Variants in BICRA observed in about 807,000 individuals in gnomAD.
BICRA encodes BRD4-interacting chromatin-remodeling complex-associated protein.
In BICRA, 31 loss-of-function variants were observed where a neutral mutation model predicts 96.9. That is an observed-to-expected ratio of 0.32 (90% confidence interval 0.24 to 0.43). The LOEUF (loss-of-function observed/expected upper bound fraction) is 0.43, where lower values mean the gene tolerates loss of function less well. Ranked by LOEUF, BICRA falls within the 20% of genes least tolerant of loss-of-function variation. The pLI, the probability that BICRA is intolerant of heterozygous loss-of-function variation, is 1.00. For missense variants in BICRA, 2,283 were observed against 2,190.3 expected (o/e 1.04, Z -0.84); for synonymous variants, 1,350 against 1,071.8 (o/e 1.26, Z -5.07).
At chr19:47,673,541 C>T (rs754994318) in intron 2 of BICRA, 29 bp from the exon 3 acceptor site, 21 of 1,597,584 alleles carry the variant, frequency 1.3e-5, no homozygotes, top group Non-Finnish European at 1.7e-5. Context: ...TTGTCTCCCT[C>T]GCCCTCTTCC....
chr19:47,622,083 C>T (rs1394972529), intron 1 of BICRA, among the ~76,000 whole-genome samples: 1 of 152,004 alleles, frequency 6.6e-6, no homozygotes. Flanking sequence ...TCTCCTGCCT[C>T]AGCCTCCCGA....
intron 1 of BICRA, among the ~76,000 whole-genome samples, chr19:47,621,681 G>C (rs1323486865): frequency 6.6e-6 from 1 of 151,938 alleles, no homozygotes; most frequent in African/African-American, 2.4e-5. Context: ...ACCATGTCAG[G>C]CTGGTTTTGA....
intron 6 of BICRA, among the ~76,000 whole-genome samples, chr19:47,681,696 G>A (rs991893639): frequency 1.1e-4 from 17 of 152,122 alleles, no homozygotes; most frequent in Admixed American, 5.2e-4. Flanking sequence ...ACAAGGAGAG[G>A]AATCTCAGAG....
intron 1 of BICRA, among the ~76,000 whole-genome samples, chr19:47,652,054 C>T (rs1233388784): frequency 2.6e-5 from 4 of 152,204 alleles, no homozygotes; most frequent in Admixed American, 2.0e-4. Flanking sequence ...GGGCAGATGT[C>T]GGCCTGCTGT....
chr19:47,684,961 T>G lies in BICRA; in HGVS notation c.2283+2809T>G, dbSNP rs1973122119. Among the ~76,000 whole-genome samples, 3 of 152,254 alleles carry G rather than the reference T, an allele frequency of 2.0e-5. No homozygotes were observed. In the South Asian group the frequency reaches 6.2e-4, roughly 32 times the overall value. On this transcript the variant is annotated intron_variant, in intron 7 of 14. Transcript: ENST00000594866. ...CACTTACTGTTAGCAGTTGCAGTAA[T>G]GATGCTGTAGCTGAACTTATTTTTT...
chr19:47,608,755 C>T (rs1971846192), upstream of BICRA, among the ~76,000 whole-genome samples: 2 of 151,516 alleles, frequency 1.3e-5, no homozygotes, highest in Admixed American at 6.6e-5. Context: ...TCCCGCCGCT[C>T]GGCCTGGCGG....
In BICRA at chr19:47,682,084, G is replaced by T; in HGVS notation, c.2215G>T (p.Val739Phe). 1 of 1,116,082 alleles carries T rather than the reference G, an allele frequency of 9.0e-7. No individual in the cohort carries two copies. 69.1% of individuals were successfully genotyped at this position (1,116,082 alleles called of 1,614,324 possible). Residue 739 changes from valine (V) to phenylalanine (F), a missense_variant, in exon 7 of 15, where the codon GTC (valine) becomes TTC (phenylalanine). By Grantham distance (50) the Val-to-Phe change is conservative. Transcript: ENST00000594866. ...PAQDPAPATP[V>F]AKGAGLGPQA... ...CCAAGACCCAGCCCCAGCCACCCCC[G>T]TCGCCAAAGGAGCTGGCCTCGGCCC... is the stretch of plus-strand genomic sequence containing the variant.
At chr19:47,667,600 C>T (rs954162977) in intron 1 of BICRA, among the ~76,000 whole-genome samples, 1 of 152,116 alleles carries the variant, frequency 6.6e-6, no homozygotes, top group Non-Finnish European at 1.5e-5. Flanking sequence ...ACCCGCATTC[C>T]AGAGGAAAAG....
In BICRA at chr19:47,620,230, C is replaced by T. The variant is rs1844821091; in HGVS notation, c.-108+11062C>T. On this transcript the variant is annotated intron_variant, in intron 1 of 14. Coordinates refer to ENST00000594866, the MANE Select transcript of BICRA (RefSeq NM_001394372.1). ...AAGATGAGAAGGGAGGGCTGTGTTT[C>T]CTGTGTTCTCAGCTCCTGGTGTGCA... Among the ~76,000 whole-genome samples, 4 of 152,074 alleles carry T rather than the reference C, an allele frequency of 2.6e-5. No individual in the cohort carries two copies. In the South Asian group the frequency reaches 8.3e-4, roughly 31 times the overall value.
chr19:47,618,806 G>T (rs1972020042), intron 1 of BICRA, among the ~76,000 whole-genome samples: 1 of 152,220 alleles, frequency 6.6e-6, no homozygotes, highest in Middle Eastern at 3.2e-3. Flanking sequence ...AGCGCCTGGT[G>T]GCCTCTGCTG....
chr19:47,632,491 G>A (rs1225836272), intron 1 of BICRA, among the ~76,000 whole-genome samples: 2 of 152,216 alleles, frequency 1.3e-5, no homozygotes, highest in East Asian at 3.8e-4. Flanking sequence ...GGCTGAAGGC[G>A]GCCTGGCACA....
Position 47,699,090 on chromosome 19 carries a change from G to T in BICRA, c.3492+31G>T, listed in dbSNP as rs772592676. Reference sequence around the variant, plus strand: ...GTCAGAGTCGCCTTCCTCGCCTCTGGGCTCCTCCTCGCTGGGACACTGCCC... The same window carrying T: ...GTCAGAGTCGCCTTCCTCGCCTCTGTGCTCCTCCTCGCTGGGACACTGCCC... On this transcript the variant is annotated intron_variant, in intron 13 of 14. Transcript: ENST00000594866. The surrounding 1 kb of genome is among the most constrained non-coding windows in gnomAD (Gnocchi z 5.0). 3.6e-6 allele frequency: 5 copies of T among 1,394,052 alleles called. No individual in the cohort carries two copies. The South Asian group carries it at 6.2e-5, about 17-fold the overall frequency. The allele number at this position is 1,394,052 out of a possible 1,614,324, so 86.4% of individuals were successfully genotyped here. A position where few individuals can be genotyped will look rare whatever the true frequency, so the allele number is the denominator to read the frequency against.
chr19:47,660,214 C>T (rs547534558), intron 1 of BICRA, among the ~76,000 whole-genome samples: 495 of 151,730 alleles, frequency 3.3e-3, no homozygotes, highest in Middle Eastern at 6.8e-3. Context: ...TCGCCTGGTC[C>T]AGCCCCCGGA....
intron 7 of BICRA, among the ~76,000 whole-genome samples, chr19:47,692,471 C>G (rs2123603641): frequency 6.6e-6 from 1 of 152,272 alleles, no homozygotes; most frequent in African/African-American, 2.4e-5. Flanking sequence ...CTCTGGTTAT[C>G]TGCCCGCCTC....
chr19:47,661,666 A>AG (rs11397008), intron 1 of BICRA: 110,243 of 151,908 alleles, frequency 0.73, 40,465 homozygotes, highest in African/African-American at 0.83. Flanking sequence ...TGGTGATGAG[A>AG]AAATACATTT....
At chr19:47,609,214 C>A (rs903192717) in intron 1 of BICRA, 46 bp downstream of exon 1, 4 of 150,712 alleles carry the variant, frequency 2.7e-5, no homozygotes, top group African/African-American at 9.7e-5. Flanking sequence ...TCTCTTAACT[C>A]TCTCTACCTG....
chr19:47,680,104 G>A lies in BICRA; in HGVS notation c.934G>A (p.Ala312Thr). 1.3e-6 allele frequency: 2 copies of A among 1,540,792 alleles called. No individual in the cohort carries two copies. Among genetic ancestry groups the A allele is most frequent in the Non-Finnish European group, 8.7e-7 (1 of 1,155,200 alleles). ...GAACTCTGTGTTCGGAGGCGCGGGGGCCGCCTCGGCTCCCACCGGGACGCC... is the reference window on the plus strand; with the variant it reads ...GAACTCTGTGTTCGGAGGCGCGGGGACCGCCTCGGCTCCCACCGGGACGCC... ...NGNSVFGGAG[A>T]ASAPTGTPSG... The change falls in exon 6 of 15, where the codon GCC becomes ACC. Residue 312 changes from alanine (A) to threonine (T), a missense_variant. Physicochemically the swap from Ala to Thr is moderately conservative, Grantham distance 58 (BLOSUM62 0). Coordinates refer to ENST00000594866, the MANE Select transcript of BICRA (RefSeq NM_001394372.1).
rs1481035825 is a variant in BICRA, at chr19:47,682,046, C to T, written c.2177C>T (p.Ala726Val). 1.3e-6 allele frequency: 2 copies of T among 1,553,122 alleles called. No individual in the cohort carries two copies. Among genetic ancestry groups the T allele is most frequent in the African/African-American group, 1.4e-5 (1 of 73,330 alleles). Residue 726 changes from alanine to valine, a missense_variant, in exon 7 of 15, where the codon GCC (alanine) becomes GTC (valine). Transcript: ENST00000594866. Reference sequence around the variant, plus strand: ...GTGCCTGCCTCGGTCATAGTCAGCGCCCCGCCTCCCGCCCAAGACCCAGCC... The same window carrying T: ...GTGCCTGCCTCGGTCATAGTCAGCGTCCCGCCTCCCGCCCAAGACCCAGCC... The part of the protein sequence containing the change: ...LSVPASVIVS[A>V]PPPAQDPAPA...
At chr19:47,644,078 G>C (rs1034503151) in intron 1 of BICRA, among the ~76,000 whole-genome samples, 27 of 152,246 alleles carry the variant, frequency 1.8e-4, no homozygotes, top group Non-Finnish European at 3.7e-4. Flanking sequence ...GAGTGCAGTG[G>C]GGGGATCATG....
Sources: allele counts gnomAD v4.1 joint callset (sites outside exome capture counted in the v4.1 genomes callset), GRCh38; gene constraint gnomAD v4.1.1; non-coding constraint Gnocchi (gnomAD v3.1); transcripts MANE v1.5; gene names NCBI Gene and HGNC (gene_info 2026-07-23, HGNC 2026-07-21).